The following CAVIN4 variants were observed in gnomAD, a reference collection of about 807,000 sequenced individuals.
CAVIN4 encodes the protein caveolae-associated protein 4.
CAVIN4 carries 10 observed loss-of-function variants against 18.6 expected under a neutral mutation model. That is an observed-to-expected ratio of 0.54 (90% CI 0.33 to 0.91). The LOEUF (loss-of-function observed/expected upper bound fraction) is 0.91, where lower values mean the gene tolerates loss of function less well. Ranked by LOEUF, CAVIN4 falls within the 40% of genes least tolerant of loss-of-function variation. CAVIN4 has a pLI of 0.02. For synonymous variants in CAVIN4, 173 were observed against 164.8 expected (o/e 1.05, Z -0.38); for missense variants, 459 against 440.5 (o/e 1.04, Z -0.38).
rs777590435 is a variant in CAVIN4 at position 100,586,061 on chromosome 9, G to GCAGTCAGGAGAGAGGCTGAGA, written c.714_734dup (p.Leu248_Arg254dup). 2.5e-6 allele frequency: 4 copies of GCAGTCAGGAGAGAGGCTGAGA among 1,603,070 alleles called. No homozygotes were observed. The highest frequency in any genetic ancestry group is 4.5e-5 in the East Asian group (2 of 44,884). Reference sequence around the variant, plus strand: ...CCCCGGAGAGGAGAGAGAGGCTAAGGCAGTCAGGAGAGAGGCTGAGACAGT... The same window carrying GCAGTCAGGAGAGAGGCTGAGA: ...CCCCGGAGAGGAGAGAGAGGCTAAGGCAGTCAGGAGAGAGGCTGAGACAGTCAGGAGAGAGGCTGAGACAGT... On this transcript the variant is annotated inframe_insertion, in exon 2 of 2. Coordinates refer to ENST00000307584, the MANE Select transcript of CAVIN4 (RefSeq NM_001018116.2).
At chr9:100,582,338 C>T (rs2800286) in intron 1 of CAVIN4, among the ~76,000 whole-genome samples, 88,126 of 130,410 alleles carry the variant, frequency 0.68, 26,298 homozygotes, top group East Asian at 0.91. Context: ...GGACCTCTTT[C>T]TCTCTCTCTC....
chr9:100,582,476 G>T (rs1025713346), intron 1 of CAVIN4, among the ~76,000 whole-genome samples: 1 of 152,138 alleles, frequency 6.6e-6, no homozygotes, highest in South Asian at 2.1e-4. Flanking sequence ...CTTCCAAGTA[G>T]TAGGGACTAC....
chr9:100,578,881 GA>G (rs1186402619), intron 1 of CAVIN4, among the ~76,000 whole-genome samples: 2 of 152,118 alleles, frequency 1.3e-5, no homozygotes, highest in Non-Finnish European at 2.9e-5. Context: ...CATAGACTTT[GA>G]AAATGTTAGA....
At position 100,586,382 on chromosome 9, in the gene CAVIN4, T is replaced by A. The variant is rs772422202; in HGVS notation, c.1026T>A (p.Val342=). The A allele has an allele frequency of 6.2e-7, 1 of 1,614,096 alleles. No individual in the cohort carries two copies. The highest frequency in any genetic ancestry group is 8.5e-7 in the Non-Finnish European group (1 of 1,179,984). The part of the protein sequence containing the change: ...REIPTPEPLK[V]TFKSQVKVED... ...TCCCCACCCCCGAGCCTTTAAAAGT[T>A]ACTTTTAAATCTCAGGTGAAAGTAG... The change falls in exon 2 of 2, where the codon GTT becomes GTA. Residue 342 remains valine, a synonymous_variant. Transcript: ENST00000307584.
chr9:100,582,207 G>A (rs985331903), intron 1 of CAVIN4, among the ~76,000 whole-genome samples: 2 of 152,138 alleles, frequency 1.3e-5, no homozygotes, highest in Non-Finnish European at 2.9e-5. Flanking sequence ...TTTGAGAAAT[G>A]CTCCCTATTC....
In CAVIN4 at chr9:100,586,863, C is replaced by A. The variant is rs893352897; in HGVS notation, c.*412C>A. On this transcript the variant is annotated 3_prime_UTR_variant, in exon 2 of 2. Coordinates refer to ENST00000307584, the MANE Select transcript of CAVIN4 (RefSeq NM_001018116.2). ...TAGCAGTCACACCCCTTTTTTGATGCTTTCACATTAAAAAATTGAAGTTTT... is the reference window on the plus strand; with the variant it reads ...TAGCAGTCACACCCCTTTTTTGATGATTTCACATTAAAAAATTGAAGTTTT... 1.3e-5 allele frequency: 2 copies of A among 154,994 alleles called. No homozygotes were observed. Among genetic ancestry groups the A allele is most frequent in the African/African-American group, 4.8e-5 (2 of 41,446 alleles). The allele number at this position is 154,994 out of a possible 1,614,324, so 9.6% of individuals were successfully genotyped here. A position where few individuals can be genotyped will look rare whatever the true frequency, so the allele number is the denominator to read the frequency against.
At chr9:100,585,490 C>G (rs1839466416) in intron 1 of CAVIN4, among the ~76,000 whole-genome samples, 1 of 152,146 alleles carries the variant, frequency 6.6e-6, no homozygotes, top group Non-Finnish European at 1.5e-5. Flanking sequence ...CATGTGTCTT[C>G]ATCTTAGGAG....
Position 100,586,702 on chromosome 9 carries a change from G to A in CAVIN4, c.*251G>A. The A allele has an allele frequency of 3.2e-6, 1 of 316,188 alleles. No individual in the cohort carries two copies. The highest frequency in any genetic ancestry group is 5.8e-6 in the Non-Finnish European group (1 of 172,810). 19.6% of individuals were successfully genotyped at this position (316,188 alleles called of 1,614,324 possible). On this transcript the variant is annotated 3_prime_UTR_variant, in exon 2 of 2. Coordinates refer to ENST00000307584, the MANE Select transcript of CAVIN4 (RefSeq NM_001018116.2). ...TGGGCCAGTTACGTGTTTGGTAAGGGCAACTTTGCGGCCGTCATTTGCAGG... is the reference window on the plus strand; with the variant it reads ...TGGGCCAGTTACGTGTTTGGTAAGGACAACTTTGCGGCCGTCATTTGCAGG...
rs558513974 is a variant in CAVIN4 at position 100,588,374 on chromosome 9, T to A, written c.*1923T>A. Among the ~76,000 whole-genome samples, 2 of 152,340 alleles carry A rather than the reference T, an allele frequency of 1.3e-5. No individual in the cohort carries two copies. The highest frequency in any genetic ancestry group is 3.9e-4 in the East Asian group (2 of 5,190). Reference sequence around the variant, plus strand: ...ATATTTTCTTAAGAACCATAATAAATTTGAATTTAAGAAAATGTTATTACA... The same window carrying A: ...ATATTTTCTTAAGAACCATAATAAAATTGAATTTAAGAAAATGTTATTACA... On this transcript the variant is annotated 3_prime_UTR_variant, in exon 2 of 2. Coordinates refer to ENST00000307584, the MANE Select transcript of CAVIN4 (RefSeq NM_001018116.2).
upstream of CAVIN4, chr9:100,577,228 T>C (rs1208415600): frequency 2.0e-5 from 3 of 152,620 alleles, no homozygotes; most frequent in African/African-American, 7.2e-5. Context: ...GATATAGATA[T>C]TGTGAAAATA....
chr9:100,584,879 A>C (rs1437430982), intron 1 of CAVIN4, among the ~76,000 whole-genome samples: 1 of 152,210 alleles, frequency 6.6e-6, no homozygotes, highest in African/African-American at 2.4e-5. Context: ...CAGAAATCAC[A>C]TATACATAGG....
chr9:100,586,097 G>A lies in CAVIN4; in HGVS notation c.741G>A (p.Arg247=). ...AGAGGCTGAGACAGTCAGGGGAGAG[G>A]CTGAGACAGTCAGGGGAGAGGTTTA... ...SGERLRQSGE[R]LRQSGERFKK... is the part of the protein sequence containing the mutation. Residue 247 remains arginine (R), a synonymous_variant, in exon 2 of 2, where the codon AGG becomes AGA. Transcript: ENST00000307584. 1 of 1,609,842 alleles carries A rather than the reference G, an allele frequency of 6.2e-7. No individual in the cohort carries two copies. The highest frequency in any genetic ancestry group is 1.1e-5 in the South Asian group (1 of 90,704).
chr9:100,582,336 T>TTC (rs368359220), intron 1 of CAVIN4, among the ~76,000 whole-genome samples: 11,256 of 145,554 alleles, frequency 0.077, 486 homozygotes, highest in South Asian at 0.14. Context: ...TTGGACCTCT[T>TTC]TCTCTCTCTC....
intron 1 of CAVIN4, among the ~76,000 whole-genome samples, 177 bp downstream of exon 1, chr9:100,578,728 A>G (rs193203308): frequency 1.1e-4 from 16 of 152,308 alleles, no homozygotes; most frequent in African/African-American, 3.1e-4. Flanking sequence ...CCAAAGTACT[A>G]TCTGTCATTT....
chr9:100,581,572 C>T (rs1328731438), intron 1 of CAVIN4, among the ~76,000 whole-genome samples: 3 of 152,260 alleles, frequency 2.0e-5, no homozygotes, highest in African/African-American at 2.4e-5. Context: ...CTCATGATGT[C>T]GCTGTCTCAT....
At chr9:100,579,005 G>T (rs1419126988) in intron 1 of CAVIN4, among the ~76,000 whole-genome samples, 3 of 152,132 alleles carry the variant, frequency 2.0e-5, no homozygotes, top group South Asian at 2.1e-4. Context: ...GCCTGGAAAG[G>T]CCTAAACAGT....
chr9:100,586,869 C>T lies in CAVIN4; in HGVS notation c.*418C>T, dbSNP rs1301069522. On this transcript the variant is annotated 3_prime_UTR_variant, in exon 2 of 2. Transcript: ENST00000307584. ...TCACACCCCTTTTTTGATGCTTTCA[C>T]ATTAAAAAATTGAAGTTTTGGACTT... 1 of 155,510 alleles carries T rather than the reference C, an allele frequency of 6.4e-6. No homozygotes were observed. The highest frequency in any genetic ancestry group is 1.4e-5 in the Non-Finnish European group (1 of 70,416). 9.6% of individuals were successfully genotyped at this position (155,510 alleles called of 1,614,324 possible).
chr9:100,581,104 AC>A (rs1342275737), intron 1 of CAVIN4: 1 of 152,166 alleles, frequency 6.6e-6, no homozygotes, highest in African/African-American at 2.4e-5. Context: ...TAAGCCTCAG[AC>A]TTTTGTATAT....
chr9:100,584,881 A>G (rs1388214108), intron 1 of CAVIN4, among the ~76,000 whole-genome samples: 1 of 152,174 alleles, frequency 6.6e-6, no homozygotes, highest in African/African-American at 2.4e-5. Context: ...GAAATCACAT[A>G]TACATAGGCG....
Sources: gnomAD v4.1 joint callset for allele counts (sites outside exome capture counted in the v4.1 genomes callset) on GRCh38, gnomAD v4.1.1 for gene constraint, MANE v1.5 for transcripts, NCBI Gene and HGNC (gene_info 2026-07-23, HGNC 2026-07-21) for gene names.